Variants in SPATA6 observed in about 807,000 individuals in gnomAD.
SPATA6 encodes spermatogenesis-associated protein 6.
SPATA6 carries 56 observed loss-of-function variants against 65.3 expected under a neutral mutation model. The observed-to-expected ratio is 0.86, with a 90% CI of 0.69 to 1.07. The LOEUF (loss-of-function observed/expected upper bound fraction) is 1.07, where lower values mean the gene tolerates loss of function less well. Among genes scored for constraint, SPATA6 ranks in the 50% least tolerant of loss-of-function variants. The pLI, the probability that SPATA6 is intolerant of heterozygous loss-of-function variation, is 0.00. For missense variants in SPATA6, 590 were observed against 594.8 expected (o/e 0.99, Z 0.08); for synonymous variants, 199 against 213.2 (o/e 0.93, Z 0.58).
At chr1:48,289,376 A>T in the SPATA6 span, among the ~76,000 whole-genome samples, 1 of 152,230 alleles carries the variant, frequency 6.6e-6, no homozygotes, top group South Asian at 2.1e-4. Context: ...AAGGTAGATA[A>T]AACCACAAAG....
chr1:48,431,549 T>A (rs1053601895), intron 3 of SPATA6, among the ~76,000 whole-genome samples: 1 of 152,186 alleles, frequency 6.6e-6, no homozygotes, highest in African/African-American at 2.4e-5. Context: ...AATTAAATTT[T>A]AATAGATTTA....
At chr1:48,388,223 C>T (rs1013360329) in intron 8 of SPATA6, among the ~76,000 whole-genome samples, 7 of 151,718 alleles carry the variant, frequency 4.6e-5, no homozygotes, top group Non-Finnish European at 8.8e-5. Context: ...TCAGATACCA[C>T]GGATGCTGCT....
chr1:48,468,629 C>T (rs1657985040), intron 1 of SPATA6, among the ~76,000 whole-genome samples: 1 of 151,878 alleles, frequency 6.6e-6, no homozygotes, highest in South Asian at 2.1e-4. Flanking sequence ...TGGAAGTGTT[C>T]CAAATCTTGA....
intron 11 of SPATA6, among the ~76,000 whole-genome samples, chr1:48,323,616 GAAAA>G (rs34150171): frequency 6.6e-5 from 7 of 105,284 alleles, no homozygotes; most frequent in Non-Finnish European, 1.4e-4. Flanking sequence ...CACAACAACA[GAAAA>G]AAAAAAAAAA....
Position 48,471,958 on chromosome 1 carries a change from T to C in SPATA6, c.51A>G (p.Ser17=), listed in dbSNP as rs988286197. The change falls in exon 1 of 13, where the codon TCA becomes TCG. Residue 17 remains serine, a splice_region_variant and synonymous_variant. Transcript: ENST00000371847. ...LQCALALEIS[S]VTCPGVVLKD... Reference sequence around the variant, plus strand: ...GGTGGGAGGCGCTACCGGTACTCACTGAGCTGATCTCCAGCGCCAGGGCGC... The same window carrying C: ...GGTGGGAGGCGCTACCGGTACTCACCGAGCTGATCTCCAGCGCCAGGGCGC... 1.2e-6 allele frequency: 2 copies of C among 1,607,122 alleles called. No individual in the cohort carries two copies. Among genetic ancestry groups the C allele is most frequent in the Non-Finnish European group, 1.7e-6 (2 of 1,177,952 alleles).
chr1:48,440,421 CAA>C (rs1262746221), intron 3 of SPATA6, among the ~76,000 whole-genome samples: 2 of 152,118 alleles, frequency 1.3e-5, no homozygotes, highest in African/African-American at 4.8e-5. Flanking sequence ...AGCTGCAGCC[CAA>C]GAGTTTGGAG....
intron 3 of SPATA6, among the ~76,000 whole-genome samples, chr1:48,437,650 T>C (rs113920826): frequency 0.025 from 3,751 of 152,266 alleles, 97 homozygotes; most frequent in African/African-American, 0.067. Flanking sequence ...CAGGCTAGTT[T>C]ATCTTACATC....
At chr1:48,263,367 A>T in the SPATA6 span, among the ~76,000 whole-genome samples, 3 of 152,196 alleles carry the variant, frequency 2.0e-5, no homozygotes, top group Admixed American at 6.5e-5. Context: ...TCAAAAGTAT[A>T]TTCAGAAATA....
At chr1:48,303,628 C>A (rs1031048325) in intron 12 of SPATA6, among the ~76,000 whole-genome samples, 2 of 152,038 alleles carry the variant, frequency 1.3e-5, no homozygotes, top group Non-Finnish European at 2.9e-5. Context: ...AATAATATTC[C>A]ATTGTGTATA....
intron 3 of SPATA6, among the ~76,000 whole-genome samples, chr1:48,435,350 A>C (rs898805344): frequency 6.6e-6 from 1 of 152,006 alleles, no homozygotes; most frequent in Non-Finnish European, 1.5e-5. Context: ...TAAATGCACC[A>C]ATCAGCACTC....
the SPATA6 span, among the ~76,000 whole-genome samples, chr1:48,270,460 G>C: frequency 3.3e-5 from 5 of 151,962 alleles, no homozygotes; most frequent in African/African-American, 1.2e-4. Context: ...TAGTTGAGAG[G>C]CAGAGTTGGG....
At chr1:48,317,580 T>C (rs1240865192) in intron 11 of SPATA6, among the ~76,000 whole-genome samples, 1 of 152,014 alleles carries the variant, frequency 6.6e-6, no homozygotes, top group Non-Finnish European at 1.5e-5. Context: ...TAATGTTAAA[T>C]GATGAGTTAA....
At chr1:48,456,780 C>T (rs748745895) in intron 1 of SPATA6, among the ~76,000 whole-genome samples, 21 of 151,938 alleles carry the variant, frequency 1.4e-4, no homozygotes, top group South Asian at 2.1e-4. Flanking sequence ...TATGAGCTGT[C>T]GGAAAAAGAA....
intron 9 of SPATA6, among the ~76,000 whole-genome samples, chr1:48,364,812 A>T (rs1262399833): frequency 6.6e-6 from 1 of 152,086 alleles, no homozygotes; most frequent in African/African-American, 2.4e-5. Flanking sequence ...ATTAGATTCC[A>T]TTTGTCAATT....
chr1:48,384,406 G>A (rs890902020), intron 9 of SPATA6, among the ~76,000 whole-genome samples: 2 of 89,794 alleles, frequency 2.2e-5, no homozygotes, highest in Non-Finnish European at 4.4e-5. Flanking sequence ...GAGAGGGAGA[G>A]GGAGAGGGAG....
chr1:48,368,322 C>T (rs919525780), intron 9 of SPATA6, among the ~76,000 whole-genome samples: 2 of 152,104 alleles, frequency 1.3e-5, no homozygotes, highest in African/African-American at 4.8e-5. Flanking sequence ...TCTGTATTTC[C>T]TGAATCTGAA....
chr1:48,313,640 T>C (rs551363997), intron 11 of SPATA6, among the ~76,000 whole-genome samples: 86 of 152,174 alleles, frequency 5.7e-4, no homozygotes, highest in African/African-American at 1.8e-3. Flanking sequence ...CATCAACTAA[T>C]GAGCAAAATA....
intron 8 of SPATA6, among the ~76,000 whole-genome samples, chr1:48,392,319 G>A (rs977306680): frequency 1.3e-5 from 2 of 151,984 alleles, no homozygotes; most frequent in African/African-American, 4.8e-5. Context: ...AAATTACTAA[G>A]CAAAATGTAA....
chr1:48,322,070 T>C (rs1458786739), intron 11 of SPATA6, among the ~76,000 whole-genome samples: 1 of 151,172 alleles, frequency 6.6e-6, no homozygotes, highest in African/African-American at 2.4e-5. Context: ...GACAAGTAGG[T>C]GGGAAAAAAA....
Sources: allele counts gnomAD v4.1 joint callset (sites outside exome capture counted in the v4.1 genomes callset), GRCh38; gene constraint gnomAD v4.1.1; transcripts MANE v1.5; gene names NCBI Gene and HGNC (gene_info 2026-07-23, HGNC 2026-07-21).